The following IGF2BP2 variants were observed in gnomAD, a reference collection of about 807,000 sequenced individuals.
The protein encoded by IGF2BP2 is insulin like growth factor 2 mRNA binding protein 2.
A neutral mutation model predicts 75.8 loss-of-function variants in IGF2BP2; 17 were observed. The observed-to-expected ratio is 0.22, with a 90% CI of 0.15 to 0.34. The LOEUF (loss-of-function observed/expected upper bound fraction) is 0.34, where lower values mean the gene tolerates loss of function less well. Ranked by LOEUF, IGF2BP2 falls within the 10% of genes least tolerant of loss-of-function variation. The pLI is 1.00. For synonymous variants in IGF2BP2, 288 were observed against 295.6 expected, an observed-to-expected ratio of 0.97 and a Z score of 0.26; for missense variants, 516 against 772.4, an observed-to-expected ratio of 0.67 and a Z score of 3.93.
At chr3:185,798,779 T>A (rs1737776554) in intron 2 of IGF2BP2, among the ~76,000 whole-genome samples, 1 of 143,772 alleles carries the variant, frequency 7.0e-6, no homozygotes, top group African/African-American at 2.7e-5. Flanking sequence ...ACTAAGTTTT[T>A]CTTTTTTCTT....
chr3:185,762,491 C>A (rs1732507724), intron 2 of IGF2BP2, among the ~76,000 whole-genome samples: 1 of 149,068 alleles, frequency 6.7e-6, no homozygotes, highest in African/African-American at 2.5e-5. Context: ...CAAGATCATG[C>A]CACTGCACTC....
At chr3:185,733,393 A>G (rs1215508400) in intron 2 of IGF2BP2, among the ~76,000 whole-genome samples, 8 of 152,348 alleles carry the variant, frequency 5.3e-5, no homozygotes, top group African/African-American at 1.7e-4. Context: ...CTAGATGCTA[A>G]GCACCAGAAG....
chr3:185,744,830 A>G (rs1420183476), intron 2 of IGF2BP2, among the ~76,000 whole-genome samples: 1 of 152,152 alleles, frequency 6.6e-6, no homozygotes, highest in Admixed American at 6.5e-5. Flanking sequence ...AATTGGAATC[A>G]CATTTTCCAC....
intron 7 of IGF2BP2, among the ~76,000 whole-genome samples, chr3:185,683,009 T>C (rs1489363325): frequency 2.0e-5 from 3 of 152,212 alleles, no homozygotes; most frequent in Non-Finnish European, 4.4e-5. Flanking sequence ...CATAGCAGCA[T>C]TATTCACAAT....
intron 2 of IGF2BP2, among the ~76,000 whole-genome samples, chr3:185,723,953 C>T (rs150064197): frequency 6.1e-4 from 93 of 152,324 alleles, no homozygotes; most frequent in African/African-American, 1.9e-3. Context: ...TAAGCAGGTT[C>T]GGTCTGGGCA....
At chr3:185,675,477 A>G in intron 8 of IGF2BP2, 46 bp from the exon 9 acceptor site, 3 of 1,586,546 alleles carry the variant, frequency 1.9e-6, no homozygotes, top group Non-Finnish European at 2.6e-6. Context: ...AACGGGAAAA[A>G]TAAAATGCCC....
At chr3:185,676,916 G>T (rs1719473224) in intron 7 of IGF2BP2, among the ~76,000 whole-genome samples, 1 of 140,924 alleles carries the variant, frequency 7.1e-6, no homozygotes. Flanking sequence ...ATATATATGA[G>T]ATATATATTT....
intron 11 of IGF2BP2, among the ~76,000 whole-genome samples, chr3:185,657,845 A>C (rs546800264): frequency 1.3e-5 from 2 of 152,280 alleles, no homozygotes; most frequent in East Asian, 3.9e-4. Context: ...GCATTTTCAC[A>C]ACTAAACTTG....
In IGF2BP2 at chr3:185,647,082, C is replaced by T. The variant is rs775535711; in HGVS notation, c.1650G>A (p.Thr550=). The T allele has an allele frequency of 3.2e-5, 51 of 1,614,000 alleles. No homozygotes were observed. In the East Asian group the frequency reaches 6.7e-4, roughly 21 times the overall value. The part of the protein sequence containing the change: ...SAEVIVPRDQ[T]PDENEEVIVR... ...CGATCACTTCCTCATTTTCATCTGG[C>T]GTTTGGTCACGAGGCACGATGACTT... is the stretch of plus-strand genomic sequence containing the variant. The change falls in exon 15 of 16, where the codon ACG becomes ACA. Residue 550 remains threonine (T), a synonymous_variant. Transcript: ENST00000382199. This position sits in a 1 kb window ranked among gnomAD's most constrained non-coding sequence, Gnocchi z 4.9.
chr3:185,652,358 C>G (rs992285208), intron 12 of IGF2BP2, among the ~76,000 whole-genome samples, 190 bp from the exon 13 acceptor site: 5 of 152,096 alleles, frequency 3.3e-5, no homozygotes, highest in African/African-American at 1.2e-4. Flanking sequence ...TGCCCAGTAT[C>G]AAATTTGGGT....
intron 2 of IGF2BP2, among the ~76,000 whole-genome samples, chr3:185,762,930 G>A (rs938855498): frequency 6.6e-6 from 1 of 152,150 alleles, no homozygotes; most frequent in Non-Finnish European, 1.5e-5. Context: ...AATATGAGAA[G>A]AGCAAAATAC....
chr3:185,784,263 T>G (rs113409703), intron 2 of IGF2BP2, among the ~76,000 whole-genome samples: 2 of 93,376 alleles, frequency 2.1e-5, no homozygotes, highest in African/African-American at 1.5e-4. Context: ...GATAGATAGA[T>G]AGATAGACAG....
chr3:185,738,141 T>C (rs1729087780), intron 2 of IGF2BP2, among the ~76,000 whole-genome samples: 1 of 152,240 alleles, frequency 6.6e-6, no homozygotes, highest in Admixed American at 6.5e-5. Context: ...ATAAATTCAT[T>C]TCTACCAAGA....
At chr3:185,648,748 A>G (rs183202295) in intron 14 of IGF2BP2, among the ~76,000 whole-genome samples, 137 of 152,072 alleles carry the variant, frequency 9.0e-4, no homozygotes, top group Non-Finnish European at 1.8e-3. Context: ...TTCAAACTAC[A>G]CTGTGTTTGT....
chr3:185,714,044 G>T (rs577504638), intron 2 of IGF2BP2, among the ~76,000 whole-genome samples: 1 of 152,128 alleles, frequency 6.6e-6, no homozygotes, highest in Non-Finnish European at 1.5e-5. Flanking sequence ...ATGTACCAAA[G>T]AATAGAATAG....
intron 12 of IGF2BP2, 48 bp downstream of exon 12, chr3:185,657,238 T>G: frequency 3.9e-6 from 5 of 1,277,704 alleles, no homozygotes; most frequent in Non-Finnish European, 5.7e-6. Flanking sequence ...GGCCGTGGGA[T>G]GAGAGGAGGT....
chr3:185,787,725 T>A (rs1444929356), intron 2 of IGF2BP2, among the ~76,000 whole-genome samples: 1 of 132,042 alleles, frequency 7.6e-6, no homozygotes, highest in African/African-American at 3.4e-5. Flanking sequence ...AGAGTGAGAC[T>A]CTGTCTCAAA....
intron 2 of IGF2BP2, among the ~76,000 whole-genome samples, chr3:185,764,544 T>G (rs1036420158): frequency 2.6e-5 from 4 of 152,146 alleles, no homozygotes; most frequent in African/African-American, 4.8e-5. Flanking sequence ...AAGAGACCAA[T>G]CTGCAGAGCA....
intron 2 of IGF2BP2, among the ~76,000 whole-genome samples, chr3:185,792,019 G>A (rs950971314): frequency 4.6e-5 from 7 of 152,198 alleles, no homozygotes; most frequent in African/African-American, 1.4e-4. Flanking sequence ...GATCATGCAA[G>A]TATTTGAAGA....
Sources: allele counts gnomAD v4.1 joint callset (sites outside exome capture counted in the v4.1 genomes callset), GRCh38; gene constraint gnomAD v4.1.1; non-coding constraint Gnocchi (gnomAD v3.1); transcripts MANE v1.5; gene names NCBI Gene and HGNC (gene_info 2026-07-23, HGNC 2026-07-21).